The following ADGRL3 variants were observed in gnomAD, a reference collection of about 807,000 sequenced individuals.
The protein encoded by ADGRL3 is calcium-independent alpha-latrotoxin receptor 3.
A neutral mutation model predicts 153.5 loss-of-function variants in ADGRL3; 62 were observed. The ratio of observed to expected loss-of-function variants is 0.40; its 90% CI spans 0.33 to 0.50. The LOEUF (loss-of-function observed/expected upper bound fraction) is 0.50, where lower values mean the gene tolerates loss of function less well. Among genes scored for constraint, ADGRL3 ranks in the 20% least tolerant of loss-of-function variants. The pLI is 0.47. For missense variants in ADGRL3, 1,641 were observed against 1,859.4 expected (o/e 0.88, Z 2.16); for synonymous variants, 710 against 672.5 (o/e 1.06, Z -0.86).
intron 2 of ADGRL3, among the ~76,000 whole-genome samples, chr4:61,474,833 T>A (rs2098023522): frequency 6.6e-6 from 1 of 152,142 alleles, no homozygotes; most frequent in Non-Finnish European, 1.5e-5. Flanking sequence ...ATTTTACCTA[T>A]CTATCCAAAT....
intron 19 of ADGRL3, among the ~76,000 whole-genome samples, chr4:61,985,570 G>A (rs550495246): frequency 5.3e-5 from 8 of 152,136 alleles, no homozygotes; most frequent in African/African-American, 2.4e-5. Context: ...ACTTTCCACC[G>A]GCAATCAGCA....
chr4:61,899,436 G>A (rs1163638936), intron 11 of ADGRL3, among the ~76,000 whole-genome samples: 1 of 151,678 alleles, frequency 6.6e-6, no homozygotes, highest in Non-Finnish European at 1.5e-5. Context: ...TCCCCCTGCT[G>A]CCAGTATAGT....
At chr4:61,909,261 G>GA (rs1933311805) in intron 11 of ADGRL3, among the ~76,000 whole-genome samples, 1 of 152,132 alleles carries the variant, frequency 6.6e-6, no homozygotes, top group African/African-American at 2.4e-5. Context: ...AACTCACAGA[G>GA]AAAATAATAG....
chr4:61,516,231 C>T (rs767080392), intron 3 of ADGRL3, among the ~76,000 whole-genome samples: 5 of 152,206 alleles, frequency 3.3e-5, no homozygotes, highest in Middle Eastern at 3.5e-3. Context: ...TATGGCACCA[C>T]TGTATAAATT....
intron 1 of ADGRL3, among the ~76,000 whole-genome samples, chr4:61,262,970 A>G (rs1484994751): frequency 6.6e-6 from 1 of 152,102 alleles, no homozygotes; most frequent in Non-Finnish European, 1.5e-5. Context: ...AAGATTTGCA[A>G]AATAGCCCCC....
chr4:61,246,138 G>A (rs1505682), intron 1 of ADGRL3, among the ~76,000 whole-genome samples: 40,796 of 151,712 alleles, frequency 0.27, 6,100 homozygotes, highest in East Asian at 0.39. Context: ...ATTTTTGTCA[G>A]CCACTTGCCA....
intron 9 of ADGRL3, among the ~76,000 whole-genome samples, chr4:61,834,596 G>A (rs1004794900): frequency 6.6e-6 from 1 of 152,096 alleles, no homozygotes; most frequent in East Asian, 1.9e-4. Flanking sequence ...AGGCTATGAC[G>A]ATGGGAAAAG....
At chr4:61,203,212 A>G (rs1387790779) in intron 1 of ADGRL3, among the ~76,000 whole-genome samples, 4 of 152,200 alleles carry the variant, frequency 2.6e-5, no homozygotes, top group African/African-American at 9.6e-5. Flanking sequence ...TACCTCTGAT[A>G]GAAACATGCG....
intron 5 of ADGRL3, among the ~76,000 whole-genome samples, chr4:61,654,560 AATT>A (rs1276919379): frequency 3.9e-5 from 6 of 151,988 alleles, no homozygotes; most frequent in African/African-American, 7.2e-5. Context: ...AAATAAAAAT[AATT>A]ATGAAATTTG....
intron 9 of ADGRL3, among the ~76,000 whole-genome samples, chr4:61,821,488 G>T (rs909968676): frequency 6.6e-6 from 1 of 151,718 alleles, no homozygotes; most frequent in Non-Finnish European, 1.5e-5. Context: ...TCAGCCTCCC[G>T]AGTAGCTGGG....
intron 17 of ADGRL3, among the ~76,000 whole-genome samples, chr4:61,972,000 G>A (rs2099029753): frequency 6.6e-6 from 1 of 151,856 alleles, no homozygotes; most frequent in Non-Finnish European, 1.5e-5. Flanking sequence ...TTTTTGATGG[G>A]GTTGTTTGTT....
intron 2 of ADGRL3, among the ~76,000 whole-genome samples, chr4:61,389,139 GA>G (rs1480219350): frequency 6.6e-6 from 1 of 152,182 alleles, no homozygotes; most frequent in African/African-American, 2.4e-5. Flanking sequence ...ATGATCATGT[GA>G]CTGGAGGCAG....
intron 2 of ADGRL3, among the ~76,000 whole-genome samples, chr4:61,464,322 A>G (rs2097855828): frequency 6.6e-6 from 1 of 152,168 alleles, no homozygotes; most frequent in Non-Finnish European, 1.5e-5. Context: ...ATAAAGGGGT[A>G]TATAGGCATA....
intron 1 of ADGRL3, among the ~76,000 whole-genome samples, chr4:61,372,810 G>A (rs997432567): frequency 5.3e-5 from 8 of 152,144 alleles, no homozygotes; most frequent in South Asian, 2.1e-4. Context: ...GGGCAATGGC[G>A]GGCGCCCCTC....
intron 5 of ADGRL3, among the ~76,000 whole-genome samples, chr4:61,652,983 T>G (rs1177640572): frequency 2.0e-5 from 3 of 152,050 alleles, no homozygotes; most frequent in Non-Finnish European, 4.4e-5. Flanking sequence ...CCGGCCATAT[T>G]GATATGTTGA....
At position 61,769,597 on chromosome 4, in the gene ADGRL3, C is replaced by CCA. The variant is rs2097056634; in HGVS notation, c.1399+36043_1399+36044insCA. On this transcript the variant is annotated intron_variant, in intron 8 of 26. Transcript: ENST00000683033. ...AACAGGCTTTGTGTGAGCAACATGG[C>CCA]TGTTGCTCACTTCACCTGGGTGCAG... Among the ~76,000 whole-genome samples, 7 of 152,144 alleles carry CCA rather than the reference C, an allele frequency of 4.6e-5. No individual in the cohort carries two copies. The South Asian group carries it at 1.5e-3, about 32-fold the overall frequency.
chr4:61,437,557 G>C (rs1037668), intron 2 of ADGRL3, among the ~76,000 whole-genome samples: 77,098 of 151,920 alleles, frequency 0.51, 20,599 homozygotes, highest in East Asian at 0.81. Flanking sequence ...TACATGAAAG[G>C]TTTAACCTTC....
intron 4 of ADGRL3, among the ~76,000 whole-genome samples, chr4:61,576,949 A>T (rs1560871076): frequency 6.6e-6 from 1 of 152,092 alleles, no homozygotes; most frequent in East Asian, 1.9e-4. Context: ...AAGCTTGTGG[A>T]TAATGGATGT....
At chr4:61,907,226 G>T (rs1282207307) in intron 11 of ADGRL3, among the ~76,000 whole-genome samples, 2 of 151,860 alleles carry the variant, frequency 1.3e-5, no homozygotes, top group African/African-American at 4.8e-5. Context: ...TCCACCCTAG[G>T]TAAAATGCTT....
Sources: gnomAD v4.1 joint callset for allele counts (sites outside exome capture counted in the v4.1 genomes callset) on GRCh38, gnomAD v4.1.1 for gene constraint, MANE v1.5 for transcripts, NCBI Gene and HGNC (gene_info 2026-07-23, HGNC 2026-07-21) for gene names.